Variants in PITPNC1 observed in about 807,000 individuals in gnomAD.
The protein encoded by PITPNC1 is phosphatidylinositol transfer protein cytoplasmic 1.
In PITPNC1, 18 loss-of-function variants were observed where a neutral mutation model predicts 44.7. The observed-to-expected ratio is 0.40, with a 90% CI of 0.28 to 0.60. The LOEUF (loss-of-function observed/expected upper bound fraction) is 0.60, where lower values mean the gene tolerates loss of function less well. Ranked by LOEUF, PITPNC1 falls within the 20% of genes least tolerant of loss-of-function variation. The pLI is 0.39. For missense variants in PITPNC1, 290 were observed against 418.4 expected (o/e 0.69, Z 2.68); for synonymous variants, 141 against 149.6 (o/e 0.94, Z 0.42).
At chr17:67,380,006 G>T (rs900481580) in intron 1 of PITPNC1, among the ~76,000 whole-genome samples, 2 of 151,860 alleles carry the variant, frequency 1.3e-5, no homozygotes, top group Non-Finnish European at 2.9e-5. Context: ...GGTATACCGT[G>T]GGGTAATTAC....
In PITPNC1 at chr17:67,687,275, C is replaced by A; in HGVS notation, c.683-5297C>A. ...AATACTGCAGATGCCCGGTTCGCAA[C>A]CTTCCATAGAAACATGTCGTCACCC... On this transcript the variant is annotated intron_variant, in intron 8 of 8. Transcript: ENST00000581322. The A allele has an allele frequency of 4.2e-6, 3 of 721,406 alleles. No homozygotes were observed. The South Asian group carries it at 5.1e-5, about 12-fold the overall frequency. The allele number at this position is 721,406 out of a possible 1,614,324, so 44.7% of individuals were successfully genotyped here. A position where few individuals can be genotyped will look rare whatever the true frequency, so the allele number is the denominator to read the frequency against.
At chr17:67,452,553 G>A (rs2039197613) in intron 1 of PITPNC1, among the ~76,000 whole-genome samples, 1 of 142,602 alleles carries the variant, frequency 7.0e-6, no homozygotes, top group Non-Finnish European at 1.5e-5. Flanking sequence ...TCACTCTGTC[G>A]CCAGGCTGGA....
chr17:67,495,060 T>TTG (rs2039930932), intron 1 of PITPNC1, among the ~76,000 whole-genome samples: 1 of 99,718 alleles, frequency 1.0e-5, no homozygotes, highest in African/African-American at 3.6e-5. Context: ...TTGTTTTTTT[T>TTG]TTTTTTTTTT....
At chr17:67,566,720 T>C (rs1227638712) in intron 4 of PITPNC1, among the ~76,000 whole-genome samples, 3 of 152,234 alleles carry the variant, frequency 2.0e-5, no homozygotes, top group East Asian at 3.8e-4. Context: ...AAGGCACGTC[T>C]ATCATATGAC....
chr17:67,578,803 G>A (rs912750833), intron 5 of PITPNC1, among the ~76,000 whole-genome samples: 2 of 152,128 alleles, frequency 1.3e-5, no homozygotes, highest in East Asian at 1.9e-4. Context: ...CCAACATGGC[G>A]AAACCCTGTC....
At chr17:67,490,780 G>A (rs1395628660) in intron 1 of PITPNC1, among the ~76,000 whole-genome samples, 1 of 152,190 alleles carries the variant, frequency 6.6e-6, no homozygotes, top group Non-Finnish European at 1.5e-5. Flanking sequence ...AGGACTCTGG[G>A]TCCAATGGAG....
At chr17:67,616,430 C>T (rs1239690299) in intron 5 of PITPNC1, among the ~76,000 whole-genome samples, 2 of 152,126 alleles carry the variant, frequency 1.3e-5, no homozygotes, top group South Asian at 2.1e-4. Flanking sequence ...CATGAGCCAC[C>T]GTGCCCAGCC....
At chr17:67,692,077 G>C (rs1003271417) in intron 8 of PITPNC1, among the ~76,000 whole-genome samples, 1 of 151,678 alleles carries the variant, frequency 6.6e-6, no homozygotes, top group African/African-American at 2.4e-5. Context: ...ACCCTATAAA[G>C]GTATACTTTC....
At chr17:67,441,479 A>G (rs1598666338) in intron 1 of PITPNC1, among the ~76,000 whole-genome samples, 1 of 152,338 alleles carries the variant, frequency 6.6e-6, no homozygotes, top group Middle Eastern at 3.4e-3. Context: ...CAGAGGAGAA[A>G]TCACGGAAGC....
chr17:67,530,123 G>A (rs879308958), intron 1 of PITPNC1, among the ~76,000 whole-genome samples: 6 of 116,548 alleles, frequency 5.1e-5, no homozygotes, highest in Admixed American at 1.2e-4. Flanking sequence ...ATGGGGTCTC[G>A]CTCTGTCATC....
At chr17:67,625,495 G>T (rs1159204148) in intron 5 of PITPNC1, among the ~76,000 whole-genome samples, 4 of 152,172 alleles carry the variant, frequency 2.6e-5, no homozygotes, top group African/African-American at 9.7e-5. Flanking sequence ...CATTGCTGTG[G>T]CTGAGTGTTT....
At position 67,412,074 on chromosome 17, in the gene PITPNC1, G is replaced by A. The variant is rs371645541; in HGVS notation, c.48+33872G>A. Reference sequence around the variant, plus strand: ...CTTTTATGACCTTAGGCAAGTCAACGAAATTTTCTGTGACCCACAGTTTCC... The same window carrying A: ...CTTTTATGACCTTAGGCAAGTCAACAAAATTTTCTGTGACCCACAGTTTCC... On this transcript the variant is annotated intron_variant, in intron 1 of 8. Transcript: ENST00000581322. 1.9e-4 allele frequency among the ~76,000 whole-genome samples: 29 copies of A among 152,230 alleles called. No homozygotes were observed. In the East Asian group the frequency reaches 4.2e-3, roughly 22 times the overall value.
At chr17:67,547,670 G>A (rs930328070) in intron 2 of PITPNC1, among the ~76,000 whole-genome samples, 23 of 152,322 alleles carry the variant, frequency 1.5e-4, no homozygotes, top group Middle Eastern at 3.4e-3. Flanking sequence ...ACATTGCAAT[G>A]TGAGATCAGG....
intron 1 of PITPNC1, among the ~76,000 whole-genome samples, chr17:67,445,618 T>A (rs1439032661): frequency 1.3e-5 from 2 of 152,174 alleles, no homozygotes; most frequent in Non-Finnish European, 1.5e-5. Context: ...CTGCACCAAC[T>A]ACCAGGCATT....
intron 1 of PITPNC1, among the ~76,000 whole-genome samples, chr17:67,423,147 G>C (rs936109516): frequency 6.6e-6 from 1 of 152,142 alleles, no homozygotes; most frequent in Non-Finnish European, 1.5e-5. Context: ...GCACGTCTGC[G>C]TTATTAACTT....
At chr17:67,390,832 C>T (rs1431411844) in intron 1 of PITPNC1, among the ~76,000 whole-genome samples, 1 of 152,172 alleles carries the variant, frequency 6.6e-6, no homozygotes, top group Non-Finnish European at 1.5e-5. Context: ...TGGCTGACTG[C>T]CTGAGCCACA....
chr17:67,627,567 A>C (rs991994686), intron 5 of PITPNC1, among the ~76,000 whole-genome samples: 1 of 152,224 alleles, frequency 6.6e-6, no homozygotes, highest in Non-Finnish European at 1.5e-5. Flanking sequence ...GTTTCTCAGG[A>C]CACACACTTT....
chr17:67,528,510 C>T (rs1270905298), intron 1 of PITPNC1, among the ~76,000 whole-genome samples: 2 of 152,126 alleles, frequency 1.3e-5, no homozygotes, highest in Admixed American at 6.6e-5. Context: ...GATGTTGTGG[C>T]CTTTATTCAA....
rs2144265088 is a variant in PITPNC1, at chr17:67,596,417, C to T, written c.366+18160C>T. ...TTTAAAAAAAAAGTGATCCTTGGTA[C>T]TCACGGGTAACAACATTCTGCTTTG... On this transcript the variant is annotated intron_variant, in intron 5 of 8. Transcript: ENST00000581322. Among the ~76,000 whole-genome samples the T allele has an allele frequency of 3.3e-5, 5 of 152,244 alleles. No individual in the cohort carries two copies. The Middle Eastern group carries it at 0.017, about 518-fold the overall frequency.
Sources: allele counts gnomAD v4.1 joint callset (sites outside exome capture counted in the v4.1 genomes callset), GRCh38; gene constraint gnomAD v4.1.1; transcripts MANE v1.5; gene names NCBI Gene and HGNC (gene_info 2026-07-23, HGNC 2026-07-21).